Variants in SPMAP2L observed in about 807,000 individuals in gnomAD.
SPMAP2L encodes the protein sperm microtubule associated protein 2 like, also known as sperm microtubule associated protein 2-like.
the SPMAP2L span, chr4:56,601,189 A>T: frequency 7.5e-7 from 1 of 1,326,600 alleles, no homozygotes. Context: ...AATAAGGCAA[A>T]TGAAAAGAGT....
At chr4:56,618,375 T>C in the SPMAP2L span, among the ~76,000 whole-genome samples, 1 of 151,972 alleles carries the variant, frequency 6.6e-6, no homozygotes, top group Non-Finnish European at 1.5e-5. Flanking sequence ...GAAACAAAGG[T>C]GTATTAGTTA....
chr4:56,540,894 G>C, the SPMAP2L span, among the ~76,000 whole-genome samples: 3 of 152,360 alleles, frequency 2.0e-5, no homozygotes, highest in African/African-American at 7.2e-5. Context: ...TGTCCCCAAA[G>C]AAATGTCAAT....
the SPMAP2L span, among the ~76,000 whole-genome samples, chr4:56,543,986 G>C: frequency 4.0e-5 from 6 of 149,668 alleles, no homozygotes; most frequent in Non-Finnish European, 5.9e-5. Context: ...GAGAGAGAGA[G>C]AGAGAGAGAG....
chr4:56,578,567 TA>T, the SPMAP2L span, among the ~76,000 whole-genome samples: 1 of 151,938 alleles, frequency 6.6e-6, no homozygotes, highest in Non-Finnish European at 1.5e-5. Flanking sequence ...AAAAAATGGA[TA>T]AAAATTCACT....
chr4:56,588,007 C>T, the SPMAP2L span, among the ~76,000 whole-genome samples: 4 of 152,312 alleles, frequency 2.6e-5, no homozygotes, highest in South Asian at 2.1e-4. Flanking sequence ...TGATTACGGC[C>T]ATTCTTGCAG....
the SPMAP2L span, chr4:56,559,335 A>G: frequency 2.6e-6 from 3 of 1,172,034 alleles, no homozygotes; most frequent in Non-Finnish European, 3.2e-6. Flanking sequence ...GTCATTTTTT[A>G]TATTTTCACT....
the SPMAP2L span, among the ~76,000 whole-genome samples, chr4:56,602,409 G>T: frequency 6.6e-6 from 1 of 152,148 alleles, no homozygotes; most frequent in Non-Finnish European, 1.5e-5. Flanking sequence ...TTAAAGAGAA[G>T]AGGCTGGATG....
At chr4:56,559,932 G>A in the SPMAP2L span, among the ~76,000 whole-genome samples, 5 of 152,130 alleles carry the variant, frequency 3.3e-5, no homozygotes, top group Admixed American at 6.5e-5. Flanking sequence ...ATTGTTCAAC[G>A]TGCAGTCAAA....
At chr4:56,612,624 G>A in the SPMAP2L span, among the ~76,000 whole-genome samples, 2 of 151,804 alleles carry the variant, frequency 1.3e-5, no homozygotes, top group Admixed American at 6.6e-5. Flanking sequence ...CTGGATTGCA[G>A]TGGCGCGATC....
At chr4:56,550,311 T>C in the SPMAP2L span, among the ~76,000 whole-genome samples, 1 of 152,148 alleles carries the variant, frequency 6.6e-6, no homozygotes, top group Non-Finnish European at 1.5e-5. Flanking sequence ...TTCTAGATTT[T>C]TCCCCCTTCC....
the SPMAP2L span, among the ~76,000 whole-genome samples, chr4:56,625,556 G>A: frequency 6.6e-6 from 1 of 152,040 alleles, no homozygotes; most frequent in Non-Finnish European, 1.5e-5. Flanking sequence ...TGAATCATGG[G>A]GGCCAGTCTT....
At chr4:56,567,220 A>G in the SPMAP2L span, among the ~76,000 whole-genome samples, 76 of 112,258 alleles carry the variant, frequency 6.8e-4, no homozygotes, top group Admixed American at 2.5e-3. Flanking sequence ...TATTAAATCT[A>G]TACATTTCAT....
the SPMAP2L span, among the ~76,000 whole-genome samples, chr4:56,563,980 G>A: frequency 1.3e-5 from 2 of 151,862 alleles, no homozygotes; most frequent in Admixed American, 6.6e-5. Context: ...AAGTCGTCTG[G>A]GCCTAGAGTT....
the SPMAP2L span, among the ~76,000 whole-genome samples, chr4:56,555,093 C>T: frequency 6.6e-6 from 1 of 152,034 alleles, no homozygotes; most frequent in Non-Finnish European, 1.5e-5. Context: ...GCAGGCACCA[C>T]CACGCCTGGC....
At chr4:56,563,671 A>C in the SPMAP2L span, among the ~76,000 whole-genome samples, 1 of 151,974 alleles carries the variant, frequency 6.6e-6, no homozygotes, top group Non-Finnish European at 1.5e-5. Context: ...AAGTTAACGA[A>C]CTTTTTCTGG....
the SPMAP2L span, among the ~76,000 whole-genome samples, chr4:56,590,457 A>AG: frequency 1.3e-5 from 2 of 152,244 alleles, no homozygotes; most frequent in Non-Finnish European, 2.9e-5. Flanking sequence ...TCATTCACAT[A>AG]GTTTCAAATG....
chr4:56,595,138 C>G, the SPMAP2L span: 1 of 1,611,464 alleles, frequency 6.2e-7, no homozygotes, highest in Non-Finnish European at 8.5e-7. Flanking sequence ...GGGCCTTAAA[C>G]AAGCCACGGA....
the SPMAP2L span, among the ~76,000 whole-genome samples, chr4:56,602,069 T>A: frequency 6.6e-6 from 1 of 152,200 alleles, no homozygotes; most frequent in African/African-American, 2.4e-5. Flanking sequence ...ATGTTTTGCA[T>A]CATGTACGTG....
chr4:56,596,164 G>A, the SPMAP2L span, among the ~76,000 whole-genome samples: 1 of 152,086 alleles, frequency 6.6e-6, no homozygotes, highest in African/African-American at 2.4e-5. Flanking sequence ...CCTCTAATAT[G>A]CCTAATCTGT....
Sources: gnomAD v4.1 joint callset for allele counts (sites outside exome capture counted in the v4.1 genomes callset) on GRCh38, gnomAD v4.1.1 for gene constraint, MANE v1.5 for transcripts, NCBI Gene and HGNC (gene_info 2026-07-23, HGNC 2026-07-21) for gene names.